Variants in BCKDHB observed in about 807,000 individuals in gnomAD.
BCKDHB encodes the protein branched chain keto acid dehydrogenase E1 subunit beta.
A neutral mutation model predicts 48.5 loss-of-function variants in BCKDHB; 41 were observed. The ratio of observed to expected loss-of-function variants is 0.85; its 90% CI spans 0.66 to 1.10. The LOEUF (loss-of-function observed/expected upper bound fraction) is 1.10. Ranked by LOEUF, BCKDHB falls within the 50% of genes least tolerant of loss-of-function variation. BCKDHB has a pLI of 0.00. For synonymous variants in BCKDHB, 201 were observed against 174.8 expected (o/e 1.15, Z -1.18); for missense variants, 496 against 494.2 (o/e 1.00, Z -0.03).
intron 8 of BCKDHB, among the ~76,000 whole-genome samples, chr6:80,270,207 T>C (rs1253273092): frequency 6.6e-6 from 1 of 152,148 alleles, no homozygotes; most frequent in Non-Finnish European, 1.5e-5. Context: ...TTCAGACAGT[T>C]CAGTATATGC....
intron 9 of BCKDHB, among the ~76,000 whole-genome samples, chr6:80,279,777 T>G (rs1285419191): frequency 6.6e-6 from 1 of 152,182 alleles, no homozygotes; most frequent in African/African-American, 2.4e-5. Context: ...ATATGGGCAT[T>G]TCATCCAAGA....
At chr6:80,201,547 A>G (rs77085011) in intron 7 of BCKDHB, among the ~76,000 whole-genome samples, 5,159 of 152,312 alleles carry the variant, frequency 0.034, 281 homozygotes, top group African/African-American at 0.12. Context: ...GAATACATGT[A>G]TACCCATGTT....
intron 8 of BCKDHB, among the ~76,000 whole-genome samples, chr6:80,270,008 A>G (rs1035222995): frequency 3.9e-5 from 6 of 152,234 alleles, no homozygotes; most frequent in African/African-American, 1.4e-4. Flanking sequence ...AAATAGACAG[A>G]ATAGAAAGAA....
chr6:80,418,875 G>T, the BCKDHB span, among the ~76,000 whole-genome samples: 1 of 152,150 alleles, frequency 6.6e-6, no homozygotes, highest in Admixed American at 6.5e-5. Flanking sequence ...ATACAGCTTG[G>T]GGGCCACTTC....
chr6:80,366,239 T>G, the BCKDHB span, among the ~76,000 whole-genome samples: 2 of 152,192 alleles, frequency 1.3e-5, no homozygotes, highest in African/African-American at 4.8e-5. Context: ...AGGAATATCT[T>G]TCAAAGACGC....
chr6:80,426,030 A>G, the BCKDHB span, among the ~76,000 whole-genome samples: 1 of 152,176 alleles, frequency 6.6e-6, no homozygotes, highest in Non-Finnish European at 1.5e-5. Flanking sequence ...CATACTTAGC[A>G]GAGTAGTGTT....
At chr6:80,177,962 T>C (rs1486531115) in intron 6 of BCKDHB, among the ~76,000 whole-genome samples, 1 of 152,226 alleles carries the variant, frequency 6.6e-6, no homozygotes, top group East Asian at 1.9e-4. Flanking sequence ...TTATGGTTGC[T>C]GGGCAGAGCT....
At chr6:80,334,681 C>G (rs1769481462) in intron 9 of BCKDHB, among the ~76,000 whole-genome samples, 1 of 151,656 alleles carries the variant, frequency 6.6e-6, no homozygotes. Flanking sequence ...ATTGGTACAT[C>G]TCTTTTGGCA....
rs551480350 is a variant in BCKDHB at position 80,220,651 on chromosome 6, C to T, written c.951+17439C>T. On this transcript the variant is annotated intron_variant, in intron 8 of 9. Transcript: ENST00000320393. Reference sequence around the variant, plus strand: ...AAATGGGATACTCTTGATTCTTGGACATCAGTGCTCATAGGATAAGCCTGT... The same window carrying T: ...AAATGGGATACTCTTGATTCTTGGATATCAGTGCTCATAGGATAAGCCTGT... Among the ~76,000 whole-genome samples, 3 of 151,578 alleles carry T rather than the reference C, an allele frequency of 2.0e-5. No homozygotes were observed. In the East Asian group the frequency reaches 5.8e-4, roughly 29 times the overall value.
intron 9 of BCKDHB, among the ~76,000 whole-genome samples, chr6:80,291,223 A>G (rs1409735052): frequency 6.6e-6 from 1 of 152,082 alleles, no homozygotes; most frequent in Non-Finnish European, 1.5e-5. Flanking sequence ...AGAACCCTTA[A>G]TCTTAAGGGT....
chr6:80,205,533 T>A (rs1774605290), intron 8 of BCKDHB, among the ~76,000 whole-genome samples: 1 of 152,218 alleles, frequency 6.6e-6, no homozygotes, highest in South Asian at 2.1e-4. Flanking sequence ...ACTTCTTGCT[T>A]AATCCTTGAT....
At chr6:80,204,104 G>A (rs1391414892) in intron 8 of BCKDHB, among the ~76,000 whole-genome samples, 1 of 151,970 alleles carries the variant, frequency 6.6e-6, no homozygotes, top group African/African-American at 2.4e-5. Flanking sequence ...TATAGTATAG[G>A]GCATTTTATA....
chr6:80,191,771 T>G (rs1773904580), intron 6 of BCKDHB, among the ~76,000 whole-genome samples: 1 of 152,146 alleles, frequency 6.6e-6, no homozygotes, highest in Admixed American at 6.5e-5. Context: ...TAAATGGTTG[T>G]GGTGAGGTAG....
intron 9 of BCKDHB, among the ~76,000 whole-genome samples, chr6:80,293,622 A>T (rs573384493): frequency 6.6e-6 from 1 of 152,260 alleles, no homozygotes; most frequent in Admixed American, 6.5e-5. Context: ...GCTCCTTATT[A>T]TTCAAATTTC....
intron 9 of BCKDHB, among the ~76,000 whole-genome samples, chr6:80,316,444 A>G (rs1181934933): frequency 6.6e-6 from 1 of 152,102 alleles, no homozygotes; most frequent in East Asian, 1.9e-4. Context: ...ATAAGAATAT[A>G]AAATATACTC....
At chr6:80,308,870 C>T (rs953743271) in intron 9 of BCKDHB, among the ~76,000 whole-genome samples, 8 of 151,934 alleles carry the variant, frequency 5.3e-5, no homozygotes, top group Admixed American at 2.0e-4. Context: ...TGTCAGCCAC[C>T]GCACCCGGCC....
chr6:80,191,818 A>T (rs1773907035), intron 6 of BCKDHB, among the ~76,000 whole-genome samples: 2 of 152,144 alleles, frequency 1.3e-5, no homozygotes, highest in Non-Finnish European at 2.9e-5. Context: ...TAGTTTAACA[A>T]CCCTTGGAAG....
chr6:80,185,732 C>A (rs566053937), intron 6 of BCKDHB, among the ~76,000 whole-genome samples: 1 of 152,288 alleles, frequency 6.6e-6, no homozygotes, highest in Non-Finnish European at 1.5e-5. Flanking sequence ...GGGCTCTGGG[C>A]TGATGCTGGG....
chr6:80,415,482 G>T, the BCKDHB span, among the ~76,000 whole-genome samples: 1 of 152,060 alleles, frequency 6.6e-6, no homozygotes, highest in Non-Finnish European at 1.5e-5. Context: ...TAACATGAAG[G>T]GGTGTTGAAT....
Sources: gnomAD v4.1 joint callset for allele counts (sites outside exome capture counted in the v4.1 genomes callset) on GRCh38, gnomAD v4.1.1 for gene constraint, MANE v1.5 for transcripts, NCBI Gene and HGNC (gene_info 2026-07-23, HGNC 2026-07-21) for gene names.